Variants in XPO6 observed in about 807,000 individuals in gnomAD.
The protein encoded by XPO6 is exportin 6, also known as exportin-6.
A neutral mutation model predicts 130.0 loss-of-function variants in XPO6; 3 were observed. The ratio of observed to expected loss-of-function variants is 0.02; its 90% CI spans 0.01 to 0.06. XPO6 has a LOEUF of 0.06. XPO6 is among the 10% of genes least tolerant of loss of function. The probability of loss-of-function intolerance (pLI) is 1.00; values close to 1 mark genes in which losing one functional copy is unlikely to be tolerated. For missense variants in XPO6, 970 were observed against 1,393.0 expected (o/e 0.70, Z 4.83); for synonymous variants, 524 against 548.9 (o/e 0.95, Z 0.63).
chr16:28,136,762 A>G (rs2042787252), intron 9 of XPO6, among the ~76,000 whole-genome samples: 1 of 152,236 alleles, frequency 6.6e-6, no homozygotes, highest in African/African-American at 2.4e-5. Flanking sequence ...CAAACTGCTC[A>G]TTTTCAAGAA....
intron 8 of XPO6, among the ~76,000 whole-genome samples, chr16:28,150,340 C>T (rs915235208): frequency 2.6e-5 from 4 of 151,888 alleles, no homozygotes; most frequent in African/African-American, 9.7e-5. Flanking sequence ...AATTACTTTC[C>T]CAATATATAA....
intron 15 of XPO6, among the ~76,000 whole-genome samples, chr16:28,116,174 T>C (rs1009846092): frequency 1.3e-5 from 2 of 152,228 alleles, no homozygotes; most frequent in Admixed American, 6.5e-5. Context: ...CAAGAGCCTT[T>C]GGCCAGGCCG....
At chr16:28,192,362 T>C (rs2043801040) in intron 1 of XPO6, among the ~76,000 whole-genome samples, 2 of 151,016 alleles carry the variant, frequency 1.3e-5, no homozygotes, top group East Asian at 3.9e-4. Context: ...AATCATCCCC[T>C]CCAGGTTCCA....
intron 8 of XPO6, among the ~76,000 whole-genome samples, chr16:28,151,574 G>A (rs946993224): frequency 6.6e-6 from 1 of 152,182 alleles, no homozygotes; most frequent in Non-Finnish European, 1.5e-5. Context: ...GGAAGTGATT[G>A]GAAAGGACAT....
intron 7 of XPO6, chr16:28,154,445 T>G (rs1202051664): frequency 6.6e-6 from 2 of 301,002 alleles, no homozygotes; most frequent in African/African-American, 4.5e-5. Context: ...CAGTAGAAAG[T>G]TAGGGGAAAA....
intron 1 of XPO6, among the ~76,000 whole-genome samples, chr16:28,186,127 C>A (rs369924827): frequency 1.5e-4 from 23 of 152,044 alleles, no homozygotes; most frequent in Admixed American, 1.5e-3. Flanking sequence ...AATTTGAGAT[C>A]GCCTTTGCTT....
chr16:28,202,614 A>G (rs1172396885), intron 1 of XPO6, among the ~76,000 whole-genome samples: 1 of 152,234 alleles, frequency 6.6e-6, no homozygotes, highest in Non-Finnish European at 1.5e-5. Context: ...TCATTTGACT[A>G]GCTAGAAAAT....
intron 23 of XPO6, among the ~76,000 whole-genome samples, chr16:28,100,781 G>A (rs1459689404): frequency 2.6e-5 from 4 of 152,232 alleles, no homozygotes; most frequent in Non-Finnish European, 5.9e-5. Context: ...GCCCCATGGG[G>A]AAGGAGGTCC....
intron 12 of XPO6, among the ~76,000 whole-genome samples, chr16:28,131,939 A>C (rs2042678822): frequency 6.6e-6 from 1 of 152,206 alleles, no homozygotes. Flanking sequence ...GGGCAGGGGG[A>C]CCACAGGCCA....
chr16:28,165,565 C>T (rs1194246321), intron 6 of XPO6: 2 of 152,136 alleles, frequency 1.3e-5, no homozygotes, highest in Non-Finnish European at 2.9e-5. Flanking sequence ...TATGAGTACT[C>T]CCCAAAACTT....
At position 28,101,983 on chromosome 16, in the gene XPO6, C is replaced by A; in HGVS notation, c.2947-38G>T. On this transcript the variant is annotated intron_variant, in intron 21 of 23. Transcript: ENST00000304658. This position sits in a 1 kb window ranked among gnomAD's most constrained non-coding sequence, Gnocchi z 5.4. ...ACCACCATTTTATAAACTGCAAGAC[C>A]AAGCACTTCTGGAGCATCTACCCCA... 1 of 1,563,674 alleles carries A rather than the reference C, an allele frequency of 6.4e-7. No homozygotes were observed. Among genetic ancestry groups the A allele is most frequent in the South Asian group, 1.1e-5 (1 of 88,850 alleles).
intron 9 of XPO6, among the ~76,000 whole-genome samples, chr16:28,141,522 G>C (rs771877701): frequency 1.3e-5 from 2 of 152,116 alleles, no homozygotes; most frequent in African/African-American, 2.4e-5. Flanking sequence ...CACAAACAAG[G>C]AAAGGGAAAG....
At chr16:28,138,189 T>A (rs2042818010) in intron 9 of XPO6, among the ~76,000 whole-genome samples, 1 of 152,126 alleles carries the variant, frequency 6.6e-6, no homozygotes, top group Admixed American at 6.6e-5. Flanking sequence ...AAAGGTAAGA[T>A]CAAACATTTA....
chr16:28,137,174 C>T (rs1338927651), intron 9 of XPO6, among the ~76,000 whole-genome samples: 3 of 152,188 alleles, frequency 2.0e-5, no homozygotes, highest in East Asian at 3.8e-4. Context: ...GGTCCCAGTT[C>T]GAAAAGATCC....
chr16:28,166,041 A>C (rs1409319912), intron 6 of XPO6, among the ~76,000 whole-genome samples: 1 of 151,544 alleles, frequency 6.6e-6, no homozygotes, highest in Non-Finnish European at 1.5e-5. Context: ...TTCAATGCTA[A>C]CTACTGCATA....
At chr16:28,117,215 G>T in intron 15 of XPO6, 103 bp downstream of exon 15, 1 of 1,442,310 alleles carries the variant, frequency 6.9e-7, no homozygotes, top group Non-Finnish European at 9.6e-7. Context: ...AAGATTTATG[G>T]GTCTAACTCT....
chr16:28,210,039 G>A (rs1359589183), intron 1 of XPO6, among the ~76,000 whole-genome samples: 3 of 152,102 alleles, frequency 2.0e-5, no homozygotes, highest in African/African-American at 7.2e-5. Flanking sequence ...TAAGGTGGGA[G>A]GACTGCTTGA....
At chr16:28,142,349 T>C (rs1218968190) in intron 9 of XPO6, among the ~76,000 whole-genome samples, 1 of 152,138 alleles carries the variant, frequency 6.6e-6, no homozygotes, top group African/African-American at 2.4e-5. Flanking sequence ...ATATTAAGAG[T>C]CTCTCATAGT....
At chr16:28,135,144 G>A in intron 10 of XPO6, 72 bp downstream of exon 10, 1 of 1,284,872 alleles carries the variant, frequency 7.8e-7, no homozygotes, top group Non-Finnish European at 1.1e-6. Flanking sequence ...AGGGCTCTGG[G>A]TTCCAGGTCC....
Sources: allele counts gnomAD v4.1 joint callset (sites outside exome capture counted in the v4.1 genomes callset), GRCh38; gene constraint gnomAD v4.1.1; non-coding constraint Gnocchi (gnomAD v3.1); transcripts MANE v1.5; gene names NCBI Gene and HGNC (gene_info 2026-07-23, HGNC 2026-07-21).